The following GPC5 variants were observed in gnomAD, a reference collection of about 807,000 sequenced individuals.
The protein encoded by GPC5 is glypican-5.
A neutral mutation model predicts 53.9 loss-of-function variants in GPC5; 47 were observed. That is an observed-to-expected ratio of 0.87 (90% CI 0.69 to 1.11). GPC5 has a LOEUF of 1.11. GPC5 is among the 50% of genes most tolerant of loss of function. The probability of loss-of-function intolerance (pLI) is 0.00; values close to 1 mark genes in which losing one functional copy is unlikely to be tolerated. For missense variants in GPC5, 748 were observed against 713.1 expected, an observed-to-expected ratio of 1.05 and a Z score of -0.56; for synonymous variants, 286 against 263.3, an observed-to-expected ratio of 1.09 and a Z score of -0.84.
intron 7 of GPC5, among the ~76,000 whole-genome samples, chr13:92,770,843 G>A (rs1875585870): frequency 6.6e-6 from 1 of 152,128 alleles, no homozygotes; most frequent in Non-Finnish European, 1.5e-5. Context: ...GCAGGCTATG[G>A]GAGAGCACCA....
At chr13:92,576,252 C>T (rs1883187268) in intron 7 of GPC5, among the ~76,000 whole-genome samples, 1 of 152,184 alleles carries the variant, frequency 6.6e-6, no homozygotes, top group Non-Finnish European at 1.5e-5. Context: ...CAGCAAAAAT[C>T]ATGCAGTGAT....
At chr13:91,910,071 A>T (rs1433557240) in intron 6 of GPC5, among the ~76,000 whole-genome samples, 3 of 152,224 alleles carry the variant, frequency 2.0e-5, no homozygotes, top group African/African-American at 7.2e-5. Flanking sequence ...TACTAGAATT[A>T]TATGATCAAA....
chr13:91,504,128 A>T (rs1594179214), intron 2 of GPC5, among the ~76,000 whole-genome samples: 1 of 152,070 alleles, frequency 6.6e-6, no homozygotes, highest in African/African-American at 2.4e-5. Context: ...TCAATTCCTG[A>T]TATTGAGAAG....
intron 2 of GPC5, among the ~76,000 whole-genome samples, chr13:91,482,055 G>T (rs944756198): frequency 1.3e-5 from 2 of 152,056 alleles, no homozygotes; most frequent in East Asian, 3.9e-4. Flanking sequence ...GTGCCTCCTT[G>T]GTTACAATGA....
At chr13:91,755,118 C>G (rs1461512532) in intron 4 of GPC5, among the ~76,000 whole-genome samples, 1 of 151,996 alleles carries the variant, frequency 6.6e-6, no homozygotes, top group Non-Finnish European at 1.5e-5. Flanking sequence ...AAGATATCAT[C>G]TCTAAAACAA....
At chr13:92,621,021 T>A (rs1884852091) in intron 7 of GPC5, among the ~76,000 whole-genome samples, 1 of 152,234 alleles carries the variant, frequency 6.6e-6, no homozygotes, top group African/African-American at 2.4e-5. Context: ...TTTCACCATT[T>A]TGTCTTTATT....
intron 7 of GPC5, among the ~76,000 whole-genome samples, chr13:92,239,588 C>G (rs2776433): frequency 0.56 from 85,132 of 151,338 alleles, 24,152 homozygotes; most frequent in South Asian, 0.65. Flanking sequence ...CATAAAATAT[C>G]CTGCCATTGA....
At chr13:92,708,999 C>T (rs1888043662) in intron 7 of GPC5, among the ~76,000 whole-genome samples, 1 of 148,462 alleles carries the variant, frequency 6.7e-6, no homozygotes, top group Non-Finnish European at 1.5e-5. Context: ...TCTCCTGCCT[C>T]AGCCTCTCAA....
At chr13:92,485,016 T>G (rs7985347) in intron 7 of GPC5, among the ~76,000 whole-genome samples, 121,527 of 152,014 alleles carry the variant, frequency 0.8, 48,569 homozygotes, top group Admixed American at 0.82. Context: ...GATTACAGGT[T>G]TGAGCCACTG....
intron 6 of GPC5, among the ~76,000 whole-genome samples, chr13:91,978,401 T>C (rs2040326796): frequency 6.6e-6 from 1 of 152,238 alleles, no homozygotes; most frequent in Non-Finnish European, 1.5e-5. Flanking sequence ...CAGTATTTGA[T>C]GGCAGAGGTA....
chr13:92,503,916 T>A (rs1880276925), intron 7 of GPC5, among the ~76,000 whole-genome samples: 1 of 151,948 alleles, frequency 6.6e-6, no homozygotes, highest in Non-Finnish European at 1.5e-5. Context: ...TCTGATAAAT[T>A]CTAGGGAACA....
At chr13:91,904,684 T>C (rs1594653677) in intron 5 of GPC5, among the ~76,000 whole-genome samples, 1 of 151,954 alleles carries the variant, frequency 6.6e-6, no homozygotes, top group South Asian at 2.1e-4. Flanking sequence ...TAAAAAGGGG[T>C]TAAACACAAG....
At chr13:91,508,102 G>A (rs1432588006) in intron 2 of GPC5, among the ~76,000 whole-genome samples, 1 of 152,104 alleles carries the variant, frequency 6.6e-6, no homozygotes, top group Non-Finnish European at 1.5e-5. Context: ...CATTTTTAAA[G>A]ATCATTATCA....
At chr13:91,513,121 G>T (rs962249962) in intron 2 of GPC5, among the ~76,000 whole-genome samples, 1 of 152,112 alleles carries the variant, frequency 6.6e-6, no homozygotes, top group Non-Finnish European at 1.5e-5. Flanking sequence ...CATCACCTAG[G>T]TATTAAACCT....
At chr13:92,099,599 A>T (rs1179670628) in intron 6 of GPC5, among the ~76,000 whole-genome samples, 1 of 152,216 alleles carries the variant, frequency 6.6e-6, no homozygotes, top group Non-Finnish European at 1.5e-5. Flanking sequence ...AATAAAATAA[A>T]CCATGATTAT....
chr13:92,570,302 G>GA (rs1882986597), intron 7 of GPC5, among the ~76,000 whole-genome samples: 1 of 151,928 alleles, frequency 6.6e-6, no homozygotes, highest in African/African-American at 2.4e-5. Context: ...AAACTGAAAA[G>GA]AAAAAATTCA....
In GPC5 at chr13:92,351,374, ATATT is replaced by A. The variant is rs964468114; in HGVS notation, c.1561+206390_1561+206393del. On this transcript the variant is annotated intron_variant, in intron 7 of 7. Coordinates refer to ENST00000377067, the MANE Select transcript of GPC5 (RefSeq NM_004466.6). ...ATCAGAATCGATTTCTACTTAATGC[ATATT>A]TATTAAAAATATGGAATAAAATTAC... 3.2e-4 allele frequency among the ~76,000 whole-genome samples: 49 copies of A among 151,966 alleles called. 1 individual carries two copies. The highest frequency in any genetic ancestry group is 1.1e-3 in the African/African-American group (47 of 41,532).
chr13:91,928,497 G>A (rs1273629647), intron 6 of GPC5, among the ~76,000 whole-genome samples: 1 of 152,136 alleles, frequency 6.6e-6, no homozygotes, highest in Non-Finnish European at 1.5e-5. Flanking sequence ...AAGTTTGTGT[G>A]TTTGGGCAGC....
intron 5 of GPC5, among the ~76,000 whole-genome samples, chr13:91,847,336 A>G (rs1323616035): frequency 4.6e-5 from 7 of 151,800 alleles, no homozygotes; most frequent in Non-Finnish European, 1.0e-4. Context: ...ATAGGTTTCT[A>G]TATGTATCTT....
Sources: gnomAD v4.1 joint callset for allele counts (sites outside exome capture counted in the v4.1 genomes callset) on GRCh38, gnomAD v4.1.1 for gene constraint, MANE v1.5 for transcripts, NCBI Gene and HGNC (gene_info 2026-07-23, HGNC 2026-07-21) for gene names.